TMCO5A: variants seen among roughly 807,000 people sequenced by gnomAD.
The protein encoded by TMCO5A is transmembrane and coiled-coil domain-containing protein 5A.
TMCO5A carries 34 observed loss-of-function variants against 42.3 expected under a neutral mutation model. The observed-to-expected ratio is 0.80, with a 90% confidence interval of 0.61 to 1.07. TMCO5A has a LOEUF of 1.07. Among genes scored for constraint, TMCO5A ranks in the 50% least tolerant of loss-of-function variants. The probability of loss-of-function intolerance (pLI) is 0.00; values close to 1 mark genes in which losing one functional copy is unlikely to be tolerated. For missense variants in TMCO5A, 357 were observed against 327.9 expected (o/e 1.09, Z -0.69); for synonymous variants, 131 against 115.6 (o/e 1.13, Z -0.86).
chr15:37,941,757 A>C, intron 8 of TMCO5A, 27 bp downstream of exon 8: 1 of 1,577,756 alleles, frequency 6.3e-7, no homozygotes, highest in Non-Finnish European at 8.7e-7. Context: ...AAGGGATAGC[A>C]AAGGGTTTAT....
intron 11 of TMCO5A, among the ~76,000 whole-genome samples, chr15:37,961,592 T>C (rs1890429909): frequency 6.6e-6 from 1 of 152,134 alleles, no homozygotes; most frequent in Admixed American, 6.6e-5. Flanking sequence ...GGTATTTTGA[T>C]GGGGATTGCA....
chr15:37,956,993 A>G (rs975837108), intron 11 of TMCO5A, among the ~76,000 whole-genome samples: 3 of 152,220 alleles, frequency 2.0e-5, no homozygotes, highest in Non-Finnish European at 4.4e-5. Context: ...CAAAAACCAT[A>G]TGATTATCTC....
At chr15:38,019,183 G>A in the TMCO5A span, among the ~76,000 whole-genome samples, 1 of 152,268 alleles carries the variant, frequency 6.6e-6, no homozygotes, top group Admixed American at 6.5e-5. Flanking sequence ...AAAGAAATCA[G>A]TAAAATCCTT....
At chr15:38,003,875 A>G in the TMCO5A span, among the ~76,000 whole-genome samples, 2 of 151,912 alleles carry the variant, frequency 1.3e-5, no homozygotes, top group Non-Finnish European at 2.9e-5. Flanking sequence ...CCAGGAGCCC[A>G]CTTGGTGCTC....
the TMCO5A span, among the ~76,000 whole-genome samples, chr15:38,033,714 C>A: frequency 2.6e-5 from 4 of 152,078 alleles, no homozygotes; most frequent in Non-Finnish European, 5.9e-5. Flanking sequence ...GCAACCTCTG[C>A]CTCTTGGGTC....
the TMCO5A span, among the ~76,000 whole-genome samples, chr15:37,984,290 A>G: frequency 6.6e-6 from 1 of 151,910 alleles, no homozygotes; most frequent in African/African-American, 2.4e-5. Context: ...TCATAATAAT[A>G]TAAGGATTTT....
chr15:38,028,734 T>C, the TMCO5A span, among the ~76,000 whole-genome samples: 11 of 152,088 alleles, frequency 7.2e-5, no homozygotes, highest in African/African-American at 2.7e-4. Flanking sequence ...GGGCAGATAG[T>C]GTCTGAAAAG....
chr15:37,998,611 T>A, the TMCO5A span, among the ~76,000 whole-genome samples: 1 of 152,338 alleles, frequency 6.6e-6, no homozygotes, highest in Admixed American at 6.5e-5. Context: ...CTCTGTAGTA[T>A]AATTTGAAGT....
the TMCO5A span, among the ~76,000 whole-genome samples, chr15:38,017,020 T>C: frequency 2.6e-5 from 4 of 152,024 alleles, no homozygotes; most frequent in East Asian, 7.7e-4. Context: ...AGAGAGAGGA[T>C]ACGGCTGTAT....
chr15:38,008,619 C>G, the TMCO5A span, among the ~76,000 whole-genome samples: 1 of 152,190 alleles, frequency 6.6e-6, no homozygotes, highest in Non-Finnish European at 1.5e-5. Context: ...TACCAATAAG[C>G]TTCTGATATC....
At chr15:37,960,239 C>A (rs552003608) in intron 11 of TMCO5A, among the ~76,000 whole-genome samples, 1 of 151,764 alleles carries the variant, frequency 6.6e-6, no homozygotes, top group African/African-American at 2.4e-5. Flanking sequence ...TATGCCTTTG[C>A]GTCCTCATAG....
the TMCO5A span, among the ~76,000 whole-genome samples, chr15:37,995,212 G>A: frequency 6.6e-6 from 1 of 152,080 alleles, no homozygotes; most frequent in Non-Finnish European, 1.5e-5. Flanking sequence ...CAGCTACAAA[G>A]GAAAGACCAC....
At chr15:37,980,108 C>T in the TMCO5A span, among the ~76,000 whole-genome samples, 2 of 152,190 alleles carry the variant, frequency 1.3e-5, no homozygotes. Flanking sequence ...GAAACTCCAT[C>T]CCAGGGAAGT....
At chr15:38,022,860 TAAAC>T in the TMCO5A span, among the ~76,000 whole-genome samples, 6 of 152,058 alleles carry the variant, frequency 3.9e-5, no homozygotes, top group East Asian at 9.6e-4. Flanking sequence ...ATTTTAGAAA[TAAAC>T]AACAAATAAT....
chr15:37,943,387 CAAA>C lies in TMCO5A; in HGVS notation c.618_620del (p.Gln206_Asn207delinsHis). The C allele has an allele frequency of 6.2e-7, 1 of 1,612,234 alleles. No homozygotes were observed. Among genetic ancestry groups the C allele is most frequent in the African/African-American group, 1.3e-5 (1 of 74,922 alleles). ...CCCTGTGGAAAAAGAGCATACCAGCCAAAATAATGAGGTAAACACTCCATTCTC... is the reference window on the plus strand; with the variant it reads ...CCCTGTGGAAAAAGAGCATACCAGCCATAATGAGGTAAACACTCCATTCTC... On this transcript the variant is annotated inframe_deletion, in exon 10 of 12. Coordinates refer to ENST00000319669, the MANE Select transcript of TMCO5A (RefSeq NM_152453.4).
chr15:38,008,991 A>G, the TMCO5A span, among the ~76,000 whole-genome samples: 1 of 152,238 alleles, frequency 6.6e-6, no homozygotes, highest in Non-Finnish European at 1.5e-5. Flanking sequence ...CCAAGAAGAA[A>G]CATATGGAAA....
At chr15:38,010,412 A>AGG in the TMCO5A span, among the ~76,000 whole-genome samples, 1 of 77,432 alleles carries the variant, frequency 1.3e-5, no homozygotes, top group Non-Finnish European at 2.7e-5. Context: ...AAAAAGAGGG[A>AGG]GGCAGAGGGA....
the TMCO5A span, among the ~76,000 whole-genome samples, chr15:38,036,791 GTGCTTGC>G: frequency 6.6e-6 from 1 of 152,058 alleles, no homozygotes; most frequent in South Asian, 2.1e-4. Flanking sequence ...GTATAATTAT[GTGCTTGC>G]ATGACTCTCT....
the TMCO5A span, among the ~76,000 whole-genome samples, chr15:38,029,799 A>T: frequency 6.6e-6 from 1 of 152,190 alleles, no homozygotes; most frequent in Non-Finnish European, 1.5e-5. Context: ...CTCTCTCAGA[A>T]CTGAGAAACT....
Sources: gnomAD v4.1 joint callset for allele counts (sites outside exome capture counted in the v4.1 genomes callset) on GRCh38, gnomAD v4.1.1 for gene constraint, MANE v1.5 for transcripts, NCBI Gene and HGNC (gene_info 2026-07-23, HGNC 2026-07-21) for gene names.